GFRAL: variants seen among roughly 807,000 people sequenced by gnomAD.
The protein encoded by GFRAL is GDNF family receptor alpha-like.
A neutral mutation model predicts 45.4 loss-of-function variants in GFRAL; 36 were observed. That is an observed-to-expected ratio of 0.79 (90% CI 0.61 to 1.05). The LOEUF (loss-of-function observed/expected upper bound fraction) is 1.05. Ranked by LOEUF, GFRAL falls within the 50% of genes least tolerant of loss-of-function variation. The pLI, the probability that GFRAL is intolerant of heterozygous loss-of-function variation, is 0.00. For missense variants in GFRAL, 507 were observed against 467.5 expected (o/e 1.08, Z -0.78); for synonymous variants, 166 against 154.1 (o/e 1.08, Z -0.57).
chr6:55,392,822 A>G (rs1768771619), intron 6 of GFRAL, among the ~76,000 whole-genome samples: 1 of 152,188 alleles, frequency 6.6e-6, no homozygotes, highest in African/African-American at 2.4e-5. Context: ...ACAAACTTCC[A>G]TGACACAAGT....
intron 6 of GFRAL, among the ~76,000 whole-genome samples, chr6:55,397,444 G>C (rs1021594662): frequency 7.5e-6 from 1 of 133,912 alleles, no homozygotes; most frequent in Non-Finnish European, 1.6e-5. Context: ...CGTGAACCCG[G>C]GAAGCGGAGC....
At chr6:55,332,568 C>G (rs146981627) in intron 2 of GFRAL, among the ~76,000 whole-genome samples, 1 of 151,854 alleles carries the variant, frequency 6.6e-6, no homozygotes, top group African/African-American at 2.4e-5. Flanking sequence ...GGACTACAGG[C>G]GCATGCCACC....
chr6:55,361,117 G>T (rs1333739776), intron 6 of GFRAL, among the ~76,000 whole-genome samples: 2 of 151,924 alleles, frequency 1.3e-5, no homozygotes, highest in Non-Finnish European at 2.9e-5. Context: ...ATGCTTTAAA[G>T]AATGAAAATT....
At chr6:55,372,260 A>G (rs1768461168) in intron 6 of GFRAL, among the ~76,000 whole-genome samples, 1 of 152,182 alleles carries the variant, frequency 6.6e-6, no homozygotes, top group African/African-American at 2.4e-5. Flanking sequence ...TCTCTACTAA[A>G]GTACTGCTAT....
chr6:55,355,150 T>G (rs78529472), intron 5 of GFRAL, among the ~76,000 whole-genome samples: 5,597 of 151,650 alleles, frequency 0.037, 135 homozygotes, highest in African/African-American at 0.062. Flanking sequence ...ATTGTTTTTG[T>G]TTTTTTTCCC....
At chr6:55,390,430 A>T (rs1236643021) in intron 6 of GFRAL, among the ~76,000 whole-genome samples, 1 of 152,226 alleles carries the variant, frequency 6.6e-6, no homozygotes, top group Admixed American at 6.5e-5. Flanking sequence ...CACAGTTGCC[A>T]TTGGGAACAT....
intron 4 of GFRAL, 95 bp from the exon 5 acceptor site, chr6:55,351,158 T>A: frequency 1.2e-6 from 1 of 845,562 alleles, no homozygotes; most frequent in South Asian, 1.7e-5. Context: ...TACATCATTG[T>A]ATTTTGCTCA....
chr6:55,339,044 G>T (rs1338310407), intron 3 of GFRAL, among the ~76,000 whole-genome samples: 2 of 151,864 alleles, frequency 1.3e-5, no homozygotes, highest in African/African-American at 4.8e-5. Flanking sequence ...TAAGAGAGAG[G>T]TAATGCATGC....
chr6:55,356,685 G>A (rs1056797589), intron 5 of GFRAL, among the ~76,000 whole-genome samples: 3 of 151,124 alleles, frequency 2.0e-5, no homozygotes, highest in African/African-American at 7.3e-5. Flanking sequence ...AATTTTTTTT[G>A]TTTCACTTTC....
chr6:55,329,079 T>TA (rs1767799341), intron 1 of GFRAL, among the ~76,000 whole-genome samples: 1 of 152,100 alleles, frequency 6.6e-6, no homozygotes, highest in Admixed American at 6.6e-5. Context: ...CATTGAGTAT[T>TA]ACAGGAAAAT....
intron 6 of GFRAL, among the ~76,000 whole-genome samples, chr6:55,368,375 C>A (rs9475269): frequency 6.6e-6 from 1 of 150,550 alleles, no homozygotes; most frequent in Admixed American, 6.6e-5. Context: ...AACTTCTTTG[C>A]CTTTGGTTTG....
intron 1 of GFRAL, among the ~76,000 whole-genome samples, chr6:55,328,371 G>A (rs545162026): frequency 6.6e-6 from 1 of 151,902 alleles, no homozygotes; most frequent in Non-Finnish European, 1.5e-5. Flanking sequence ...TTATGTTTAA[G>A]CTAATATATA....
intron 6 of GFRAL, among the ~76,000 whole-genome samples, chr6:55,381,537 C>T (rs1343772906): frequency 2.0e-5 from 3 of 151,786 alleles, no homozygotes; most frequent in Non-Finnish European, 2.9e-5. Flanking sequence ...ATTCCATTAG[C>T]GAGCATTTTT....
chr6:55,388,493 AACAG>A (rs1768707610), intron 6 of GFRAL, among the ~76,000 whole-genome samples: 1 of 152,198 alleles, frequency 6.6e-6, no homozygotes, highest in Non-Finnish European at 1.5e-5. Flanking sequence ...TTTCTAGTAT[AACAG>A]ACAGTCTAAA....
At chr6:55,339,709 T>C (rs1581900733) in intron 3 of GFRAL, among the ~76,000 whole-genome samples, 1 of 152,322 alleles carries the variant, frequency 6.6e-6, no homozygotes, top group South Asian at 2.1e-4. Flanking sequence ...ACTTAGTAGA[T>C]ATTACTAGTT....
chr6:55,369,654 T>G (rs1768423610), intron 6 of GFRAL, among the ~76,000 whole-genome samples: 3 of 151,842 alleles, frequency 2.0e-5, no homozygotes, highest in Admixed American at 2.0e-4. Flanking sequence ...GTGGAATTAC[T>G]AGACCATAAG....
At chr6:55,336,266 A>G (rs1767890248) in intron 3 of GFRAL, among the ~76,000 whole-genome samples, 1 of 152,180 alleles carries the variant, frequency 6.6e-6, no homozygotes, top group Non-Finnish European at 1.5e-5. Flanking sequence ...TTCCATAAAC[A>G]TTTTAGAATC....
rs776242080 is a variant in GFRAL, at chr6:55,401,839, C to T, written c.1171C>T (p.Pro391Ser). ...AAGAGATCCTTCATCGATCCAAATA[C>T]CTGGAGAACTCTGATTCATTAGGAG... ...KARDPSSIQI[P>S]GEL The change falls in exon 9 of 9, where the codon CCT becomes TCT. Residue 391 changes from proline (P) to serine (S), a missense_variant. By Grantham distance (74) the Pro-to-Ser change is moderately conservative. Coordinates refer to ENST00000340465, the MANE Select transcript of GFRAL (RefSeq NM_207410.2). The T allele has an allele frequency of 5.9e-6, 9 of 1,527,198 alleles. No individual in the cohort carries two copies. The East Asian group carries it at 2.0e-4, about 34-fold the overall frequency. The allele number at this position is 1,527,198 out of a possible 1,614,324, so 94.6% of individuals were successfully genotyped here.
At chr6:55,327,890 G>A (rs1392402141) in intron 1 of GFRAL, among the ~76,000 whole-genome samples, 1 of 151,880 alleles carries the variant, frequency 6.6e-6, no homozygotes, top group African/African-American at 2.4e-5. Flanking sequence ...ACATGTGTTA[G>A]AACCTTTTAG....
Sources: gnomAD v4.1 joint callset for allele counts (sites outside exome capture counted in the v4.1 genomes callset) on GRCh38, gnomAD v4.1.1 for gene constraint, MANE v1.5 for transcripts, NCBI Gene and HGNC (gene_info 2026-07-23, HGNC 2026-07-21) for gene names.